The following SYT2 variants were observed in gnomAD, a reference collection of about 807,000 sequenced individuals.
The protein encoded by SYT2 is synaptotagmin-2.
A neutral mutation model predicts 39.9 loss-of-function variants in SYT2; 15 were observed. The ratio of observed to expected loss-of-function variants is 0.38; its 90% CI spans 0.25 to 0.58. SYT2 has a LOEUF of 0.58. Among genes scored for constraint, SYT2 ranks in the 20% least tolerant of loss-of-function variants. The pLI, the probability that SYT2 is intolerant of heterozygous loss-of-function variation, is 0.70. For synonymous variants in SYT2, 181 were observed against 204.5 expected (o/e 0.89, Z 0.98); for missense variants, 389 against 530.3 (o/e 0.73, Z 2.62).
intron 1 of SYT2, among the ~76,000 whole-genome samples, chr1:202,659,691 G>A (rs1043358984): frequency 2.0e-5 from 3 of 152,180 alleles, no homozygotes; most frequent in Non-Finnish European, 2.9e-5. Context: ...GAGGGGCTGC[G>A]AGAGCCCCAT....
At position 202,629,650 on chromosome 1, in the gene SYT2, C is replaced by T. The variant is rs372901501; in HGVS notation, c.-17-23861G>A. 2.7e-3 allele frequency among the ~76,000 whole-genome samples: 412 copies of T among 152,256 alleles called. 2 individuals carry two copies. The highest frequency in any genetic ancestry group is 9.2e-3 in the African/African-American group (384 of 41,544). ...GTGTGGTGGCTCACACCTGTAATCC[C>T]GGCACTTTGGGAGGTTGAGGCCAGC... On this transcript the variant is annotated intron_variant, in intron 1 of 8. Coordinates refer to ENST00000367268, the MANE Select transcript of SYT2 (RefSeq NM_177402.5).
intron 1 of SYT2, among the ~76,000 whole-genome samples, chr1:202,650,994 T>A (rs533050514): frequency 1.5e-5 from 2 of 129,990 alleles, no homozygotes; most frequent in East Asian, 4.5e-4. Context: ...GGGCCGGGAG[T>A]GGGGTGGGAG....
intron 1 of SYT2, among the ~76,000 whole-genome samples, chr1:202,670,964 T>A (rs549554597): frequency 2.0e-5 from 3 of 152,364 alleles, no homozygotes; most frequent in African/African-American, 7.2e-5. Context: ...TGATCTCTGC[T>A]GGGTCAGCTG....
At chr1:202,700,671 T>C (rs1654099422) in intron 1 of SYT2, among the ~76,000 whole-genome samples, 2 of 152,236 alleles carry the variant, frequency 1.3e-5, no homozygotes, top group South Asian at 4.1e-4. Flanking sequence ...AGGCCTTGTT[T>C]CACATCATTG....
At chr1:202,672,404 C>A (rs1303232775) in intron 1 of SYT2, among the ~76,000 whole-genome samples, 2 of 152,018 alleles carry the variant, frequency 1.3e-5, no homozygotes, top group African/African-American at 2.4e-5. Context: ...GGAAGAGGGC[C>A]CTCACCCAGA....
chr1:202,633,543 G>A lies in SYT2; in HGVS notation c.-17-27754C>T, dbSNP rs796844948. Among the ~76,000 whole-genome samples the A allele has an allele frequency of 9.2e-5, 14 of 152,296 alleles. 1 individual carries two copies. The highest frequency in any genetic ancestry group is 3.1e-4 in the African/African-American group (13 of 41,562). ...GCCTTTAACACACTGGGTGGGAGAA[G>A]TGTTGCTGAGCACAGCAGTGACCTG... is the stretch of plus-strand genomic sequence containing the variant. On this transcript the variant is annotated intron_variant, in intron 1 of 8. Transcript: ENST00000367268.
At chr1:202,703,589 C>T (rs935991069) in intron 1 of SYT2, among the ~76,000 whole-genome samples, 2 of 152,176 alleles carry the variant, frequency 1.3e-5, no homozygotes, top group South Asian at 2.1e-4. Flanking sequence ...CTCCTAACCC[C>T]TGCCAAGCCC....
chr1:202,695,932 G>C (rs940333068), intron 1 of SYT2, among the ~76,000 whole-genome samples: 7 of 152,216 alleles, frequency 4.6e-5, no homozygotes, highest in Non-Finnish European at 1.5e-5. Flanking sequence ...CCACGGTCCC[G>C]ACTCTGGGCT....
chr1:202,638,688 G>T (rs1691815250), intron 1 of SYT2, among the ~76,000 whole-genome samples: 2 of 151,938 alleles, frequency 1.3e-5, no homozygotes, highest in South Asian at 2.1e-4. Context: ...GAAGTCAAGT[G>T]CTCACACCCG....
intron 1 of SYT2, among the ~76,000 whole-genome samples, chr1:202,662,784 C>T (rs1692407657): frequency 6.6e-6 from 1 of 152,170 alleles, no homozygotes; most frequent in Admixed American, 6.5e-5. Context: ...CTCTCTGGGC[C>T]TCAGGATCAT....
intron 2 of SYT2, 67 bp downstream of exon 2, chr1:202,605,528 C>G: frequency 6.8e-7 from 1 of 1,477,038 alleles, no homozygotes. Flanking sequence ...CAGTGGTATC[C>G]CCACCCTTCT....
At chr1:202,635,391 G>A (rs1241581702) in intron 1 of SYT2, among the ~76,000 whole-genome samples, 8 of 152,216 alleles carry the variant, frequency 5.3e-5, no homozygotes, top group Admixed American at 4.6e-4. Flanking sequence ...GGGATTTGAT[G>A]TCAGGAGCAG....
At chr1:202,637,274 C>T (rs923808910) in intron 1 of SYT2, among the ~76,000 whole-genome samples, 9 of 150,234 alleles carry the variant, frequency 6.0e-5, no homozygotes, top group Admixed American at 4.8e-4. Context: ...TCACCTGAGC[C>T]TCGGGAAGTT....
intron 1 of SYT2, among the ~76,000 whole-genome samples, chr1:202,704,452 A>C (rs1654198657): frequency 6.6e-6 from 1 of 152,156 alleles, no homozygotes; most frequent in Non-Finnish European, 1.5e-5. Flanking sequence ...GTAGGAAGTA[A>C]GGAAGGAATG....
At chr1:202,690,183 G>A (rs755358543) in intron 1 of SYT2, among the ~76,000 whole-genome samples, 2 of 152,012 alleles carry the variant, frequency 1.3e-5, no homozygotes, top group African/African-American at 2.4e-5. Context: ...CCTACTGAGC[G>A]CCCACCTCTG....
At chr1:202,618,130 G>C (rs1691098169) in intron 1 of SYT2, among the ~76,000 whole-genome samples, 1 of 152,078 alleles carries the variant, frequency 6.6e-6, no homozygotes, top group Admixed American at 6.6e-5. Flanking sequence ...TCGAACTCCT[G>C]ACCTCAAGTA....
chr1:202,623,117 G>A lies in SYT2; in HGVS notation c.-17-17328C>T, dbSNP rs1166276988. Among the ~76,000 whole-genome samples, 18 of 152,322 alleles carry A rather than the reference G, an allele frequency of 1.2e-4. No individual in the cohort carries two copies. The highest frequency in any genetic ancestry group is 3.4e-3 in the Middle Eastern group (1 of 292). On this transcript the variant is annotated intron_variant, in intron 1 of 8. Transcript: ENST00000367268. This position sits in a 1 kb window ranked among gnomAD's most constrained non-coding sequence, Gnocchi z 4.2. Reference sequence around the variant, plus strand: ...ATAGTAGCAGTGGTGAGGGGGCAGAGGGATGCCCCCGCCAGGCAAGCCCCT... The same window carrying A: ...ATAGTAGCAGTGGTGAGGGGGCAGAAGGATGCCCCCGCCAGGCAAGCCCCT...
intron 1 of SYT2, among the ~76,000 whole-genome samples, chr1:202,657,272 G>T (rs1692293772): frequency 6.6e-6 from 1 of 152,158 alleles, no homozygotes; most frequent in Non-Finnish European, 1.5e-5. Context: ...GTTCACCACG[G>T]TCTTTAGAGC....
chr1:202,688,700 G>T (rs1653736972), intron 1 of SYT2, among the ~76,000 whole-genome samples: 1 of 152,214 alleles, frequency 6.6e-6, no homozygotes, highest in Non-Finnish European at 1.5e-5. Flanking sequence ...CAGCAAGAAG[G>T]TCTCCGACTA....
Sources: gnomAD v4.1 joint callset for allele counts (sites outside exome capture counted in the v4.1 genomes callset) on GRCh38, gnomAD v4.1.1 for gene constraint, Gnocchi (gnomAD v3.1) non-coding constraint, MANE v1.5 for transcripts, NCBI Gene and HGNC (gene_info 2026-07-23, HGNC 2026-07-21) for gene names.